The following ARRB1 variants were observed in gnomAD, a reference collection of about 807,000 sequenced individuals.
ARRB1 encodes arrestin beta 1, also known as beta-arrestin-1.
ARRB1 carries 21 observed loss-of-function variants against 56.8 expected under a neutral mutation model. The observed-to-expected ratio is 0.37, with a 90% CI of 0.26 to 0.53. ARRB1 has a LOEUF of 0.53. Among genes scored for constraint, ARRB1 ranks in the 20% least tolerant of loss-of-function variants. ARRB1 has a pLI of 0.88. For synonymous variants in ARRB1, 210 were observed against 218.6 expected, an observed-to-expected ratio of 0.96 and a Z score of 0.35; for missense variants, 424 against 553.7, an observed-to-expected ratio of 0.77 and a Z score of 2.35.
In ARRB1 at chr11:75,277,452, G is replaced by C. The variant is rs1946225806; in HGVS notation, c.619-4C>G. The C allele has an allele frequency of 1.2e-6, 2 of 1,613,818 alleles. No individual in the cohort carries two copies. The highest frequency in any genetic ancestry group is 2.7e-5 in the African/African-American group (2 of 74,906). ...TGGGTTCTCCATGGTAATAGATCTG[G>C]GGGGCATAAGAAGGGACGGGGTTGG... On this transcript the variant is annotated splice_region_variant and splice_polypyrimidine_tract_variant and intron_variant, in intron 8 of 15. Coordinates refer to ENST00000420843, the MANE Select transcript of ARRB1 (RefSeq NM_004041.5).
intron 10 of ARRB1, 101 bp downstream of exon 10, chr11:75,276,738 C>A (rs189023033): frequency 7.7e-6 from 9 of 1,174,846 alleles, no homozygotes; most frequent in African/African-American, 7.5e-5. Flanking sequence ...CAGCCCTCTG[C>A]CAGGTGGAGA....
intron 1 of ARRB1, among the ~76,000 whole-genome samples, chr11:75,335,569 A>G (rs1434847776): frequency 7.1e-6 from 1 of 141,434 alleles, no homozygotes; most frequent in Non-Finnish European, 1.5e-5. Flanking sequence ...TGGGCAACAG[A>G]GCCAGGCCCT....
At chr11:75,292,744 G>A (rs1413056097) in intron 1 of ARRB1, among the ~76,000 whole-genome samples, 4 of 152,190 alleles carry the variant, frequency 2.6e-5, no homozygotes, top group African/African-American at 7.2e-5. Context: ...AGACACCCTG[G>A]TCAGGCTGGA....
intron 1 of ARRB1, among the ~76,000 whole-genome samples, chr11:75,305,519 T>C (rs958732955): frequency 6.6e-6 from 1 of 152,210 alleles, no homozygotes; most frequent in African/African-American, 2.4e-5. Context: ...TAGAGTGAAA[T>C]CTGAAGTCAG....
intron 1 of ARRB1, among the ~76,000 whole-genome samples, chr11:75,347,710 C>T (rs770985447): frequency 6.6e-6 from 1 of 152,146 alleles, no homozygotes; most frequent in Non-Finnish European, 1.5e-5. Flanking sequence ...TACTTAATCT[C>T]TTCTAGTCTG....
In ARRB1 at chr11:75,324,785, G is replaced by T. The variant is rs373683943; in HGVS notation, c.20+26803C>A. 8.7e-4 allele frequency among the ~76,000 whole-genome samples: 132 copies of T among 152,292 alleles called. No individual in the cohort carries two copies. In the Middle Eastern group the frequency reaches 0.01, roughly 12 times the overall value. ...TGAGACCACAGAAAAGTTCTGGAAG[G>T]TTCTAACTGCTACGTCTACACTCAA... On this transcript the variant is annotated intron_variant, in intron 1 of 15. Coordinates refer to ENST00000420843, the MANE Select transcript of ARRB1 (RefSeq NM_004041.5).
chr11:75,284,168 T>A, intron 4 of ARRB1, 67 bp downstream of exon 4: 1 of 1,496,422 alleles, frequency 6.7e-7, no homozygotes, highest in Non-Finnish European at 9.1e-7. Flanking sequence ...AGGGAGTTCC[T>A]ATGCTAGAGG....
chr11:75,351,492 G>A (rs1170638243), intron 1 of ARRB1, 96 bp downstream of exon 1: 3 of 1,477,424 alleles, frequency 2.0e-6, no homozygotes, highest in Admixed American at 2.2e-5. Context: ...CGCGGTGGCC[G>A]CGAACGCAGA....
At chr11:75,293,860 C>T (rs1946664354) in intron 1 of ARRB1, among the ~76,000 whole-genome samples, 1 of 152,214 alleles carries the variant, frequency 6.6e-6, no homozygotes, top group Non-Finnish European at 1.5e-5. Context: ...CTCTGCACCT[C>T]TCCTCCCGGG....
chr11:75,267,007 C>T (rs1363261631), intron 15 of ARRB1, among the ~76,000 whole-genome samples: 1 of 152,172 alleles, frequency 6.6e-6, no homozygotes, highest in East Asian at 1.9e-4. Context: ...TGCAGGTGTC[C>T]ACCTGGGTCC....
chr11:75,293,450 C>T (rs11827808), intron 1 of ARRB1, among the ~76,000 whole-genome samples: 1 of 152,166 alleles, frequency 6.6e-6, no homozygotes, highest in African/African-American at 2.4e-5. Flanking sequence ...TGTGAGGATG[C>T]TTCGTTTCCT....
At chr11:75,274,513 C>T (rs1004039374) in intron 10 of ARRB1, 7 of 265,778 alleles carry the variant, frequency 2.6e-5, no homozygotes, top group South Asian at 1.4e-4. Flanking sequence ...TACAGCCAGC[C>T]GGGTGCAGTG....
intron 13 of ARRB1, 139 bp downstream of exon 13, chr11:75,271,562 G>C (rs1187313061): frequency 7.5e-6 from 7 of 929,382 alleles, no homozygotes; most frequent in Non-Finnish European, 9.5e-6. Context: ...GTGTCTCCCA[G>C]CTCACACCTG....
At chr11:75,350,215 A>C (rs1947825869) in intron 1 of ARRB1, among the ~76,000 whole-genome samples, 1 of 152,234 alleles carries the variant, frequency 6.6e-6, no homozygotes, top group South Asian at 2.1e-4. Flanking sequence ...TAGCTTTGTC[A>C]GTGGCCCTGA....
chr11:75,289,952 G>GA, intron 2 of ARRB1, 57 bp downstream of exon 2: 1 of 1,613,026 alleles, frequency 6.2e-7, no homozygotes, highest in South Asian at 1.1e-5. Flanking sequence ...CTTCCCAAGA[G>GA]AAAATGACCA....
At chr11:75,267,610 C>A in intron 15 of ARRB1, 42 bp downstream of exon 15, 16 of 1,386,880 alleles carry the variant, frequency 1.2e-5, no homozygotes, top group Non-Finnish European at 1.6e-5. Context: ...CCCGCCCACC[C>A]GCGGCCCACC....
intron 1 of ARRB1, among the ~76,000 whole-genome samples, chr11:75,301,337 A>G (rs1591947435): frequency 6.6e-6 from 1 of 152,304 alleles, no homozygotes; most frequent in South Asian, 2.1e-4. Flanking sequence ...CCCCAGGGGA[A>G]GAGGCTGGGC....
chr11:75,309,980 G>A (rs1947121602), intron 1 of ARRB1, among the ~76,000 whole-genome samples: 2 of 152,100 alleles, frequency 1.3e-5, no homozygotes, highest in Admixed American at 6.6e-5. Flanking sequence ...GGCTTCAGGA[G>A]GGGTAGTAAG....
At chr11:75,312,249 C>A in intron 1 of ARRB1, 1 of 924,536 alleles carries the variant, frequency 1.1e-6, no homozygotes, top group Middle Eastern at 3.1e-4. Context: ...GAGAACAGGC[C>A]TGCCCCTGGG....
Sources: allele counts gnomAD v4.1 joint callset (sites outside exome capture counted in the v4.1 genomes callset), GRCh38; gene constraint gnomAD v4.1.1; transcripts MANE v1.5; gene names NCBI Gene and HGNC (gene_info 2026-07-23, HGNC 2026-07-21).